FAR2: variants seen among roughly 807,000 people sequenced by gnomAD.
The protein encoded by FAR2 is epididymis secretory protein Li 81.
A neutral mutation model predicts 56.0 loss-of-function variants in FAR2; 19 were observed. The ratio of observed to expected loss-of-function variants is 0.34; its 90% CI spans 0.24 to 0.50. FAR2 has a LOEUF of 0.50. FAR2 is among the 20% of genes least tolerant of loss of function. The pLI is 0.98. For missense variants in FAR2, 508 were observed against 642.2 expected (o/e 0.79, Z 2.26); for synonymous variants, 219 against 218.8 (o/e 1.00, Z -0.01).
At chr12:29,195,142 G>A (rs889688705) in intron 1 of FAR2, among the ~76,000 whole-genome samples, 2 of 152,124 alleles carry the variant, frequency 1.3e-5, no homozygotes, top group African/African-American at 4.8e-5. Context: ...AACATTATTT[G>A]ATGTTGGAGA....
intron 1 of FAR2, among the ~76,000 whole-genome samples, chr12:29,234,437 T>C (rs1020688451): frequency 2.6e-5 from 4 of 152,162 alleles, no homozygotes; most frequent in Admixed American, 2.0e-4. Context: ...TTTTGCCTTC[T>C]TCTTATTAAA....
intron 1 of FAR2, among the ~76,000 whole-genome samples, chr12:29,257,596 G>A (rs564746548): frequency 3.9e-5 from 6 of 152,194 alleles, no homozygotes; most frequent in East Asian, 1.9e-4. Flanking sequence ...CACTCACTGC[G>A]AAGGTCTGCA....
chr12:29,245,184 G>A (rs1309592256), intron 1 of FAR2, among the ~76,000 whole-genome samples: 3 of 152,128 alleles, frequency 2.0e-5, no homozygotes, highest in Non-Finnish European at 4.4e-5. Context: ...GTTTCACCAC[G>A]TTGGCCAGGA....
intron 4 of FAR2, among the ~76,000 whole-genome samples, chr12:29,304,742 C>T (rs1441632400): frequency 6.6e-6 from 1 of 152,136 alleles, no homozygotes; most frequent in Non-Finnish European, 1.5e-5. Flanking sequence ...CACACATAGA[C>T]ATATACATAC....
rs557011058 is a variant in FAR2, at chr12:29,304,877, T to A, written c.546-2781T>A. 1.2e-4 allele frequency among the ~76,000 whole-genome samples: 19 copies of A among 152,272 alleles called. No homozygotes were observed. The South Asian group carries it at 2.9e-3, about 23-fold the overall frequency. ...AGGACATTTAGATTAATTTCAGACA[T>A]GTATTTTGGTTTATATGTGTTTTTT... On this transcript the variant is annotated intron_variant, in intron 4 of 11. Coordinates refer to ENST00000536681, the MANE Select transcript of FAR2 (RefSeq NM_001271783.2).
chr12:29,330,056 CTTT>C (rs10693997), intron 10 of FAR2, among the ~76,000 whole-genome samples: 3 of 127,060 alleles, frequency 2.4e-5, no homozygotes. Context: ...ACATTTATGA[CTTT>C]TTTTTTTTTT....
At chr12:29,264,786 T>C (rs1002225635) in intron 1 of FAR2, among the ~76,000 whole-genome samples, 1 of 151,656 alleles carries the variant, frequency 6.6e-6, no homozygotes, top group African/African-American at 2.4e-5. Flanking sequence ...AGCTAAACAC[T>C]CCACCAAGAA....
At chr12:29,232,455 A>T (rs1039690009) in intron 1 of FAR2, among the ~76,000 whole-genome samples, 24 of 151,828 alleles carry the variant, frequency 1.6e-4, no homozygotes, top group Non-Finnish European at 1.5e-5. Flanking sequence ...TAATCTTTCC[A>T]TCATGCTCTT....
intron 5 of FAR2, 24 bp downstream of exon 5, chr12:29,307,859 G>T: frequency 6.3e-7 from 1 of 1,592,416 alleles, no homozygotes; most frequent in Non-Finnish European, 8.5e-7. Context: ...CCTGGATTCT[G>T]TGTTTTGCTT....
chr12:29,220,448 C>T (rs1489392125), intron 1 of FAR2, among the ~76,000 whole-genome samples: 1 of 152,060 alleles, frequency 6.6e-6, no homozygotes, highest in Admixed American at 6.5e-5. Flanking sequence ...TGACTTGCTA[C>T]GTTTCTCTAT....
At chr12:29,313,927 T>G (rs1389308383) in intron 8 of FAR2, among the ~76,000 whole-genome samples, 2 of 142,254 alleles carry the variant, frequency 1.4e-5, no homozygotes, top group Admixed American at 1.4e-4. Flanking sequence ...TTCTTTCTTC[T>G]CTTTAACTTA....
chr12:29,323,405 C>T (rs1949585667), intron 10 of FAR2, among the ~76,000 whole-genome samples: 4 of 152,186 alleles, frequency 2.6e-5, no homozygotes, highest in African/African-American at 9.7e-5. Context: ...AGTAGTGGTT[C>T]CTCCAGCACG....
chr12:29,270,537 C>T lies in FAR2; in HGVS notation c.88C>T (p.Leu30=), dbSNP rs749906463. The T allele has an allele frequency of 1.2e-6, 2 of 1,614,030 alleles. No individual in the cohort carries two copies. The highest frequency in any genetic ancestry group is 2.2e-5 in the East Asian group (1 of 44,878). The change falls in exon 2 of 12, where the codon CTG becomes TTG. Residue 30 remains leucine (L), a synonymous_variant. Coordinates refer to ENST00000536681, the MANE Select transcript of FAR2 (RefSeq NM_001271783.2). ...TCTGGGCAAAGTGCTGATGGAGAAGCTGTTTCGCACCAGCCCAGACCTGAA... is the reference window on the plus strand; with the variant it reads ...TCTGGGCAAAGTGCTGATGGAGAAGTTGTTTCGCACCAGCCCAGACCTGAA... ...GFLGKVLMEK[L]FRTSPDLKVI...
chr12:29,305,048 G>A (rs1949233743), intron 4 of FAR2, among the ~76,000 whole-genome samples: 1 of 152,152 alleles, frequency 6.6e-6, no homozygotes, highest in Non-Finnish European at 1.5e-5. Context: ...CTGAACCTAG[G>A]AAGTGGCTGG....
At chr12:29,244,663 G>A (rs1193994725) in intron 1 of FAR2, among the ~76,000 whole-genome samples, 1 of 152,172 alleles carries the variant, frequency 6.6e-6, no homozygotes, top group African/African-American at 2.4e-5. Flanking sequence ...CCAGGCACTA[G>A]AGATGCAAAG....
At position 29,201,994 on chromosome 12, in the gene FAR2, A is replaced by C. The variant is rs1947422320; in HGVS notation, c.-39+52587A>C. On this transcript the variant is annotated intron_variant, in intron 1 of 11. Transcript: ENST00000536681. ...TCAGGAAATAAGTGAGTTCCTCTGCAATAGTGCACAATTTATATTATACCA... is the reference window on the plus strand; with the variant it reads ...TCAGGAAATAAGTGAGTTCCTCTGCCATAGTGCACAATTTATATTATACCA... Among the ~76,000 whole-genome samples the C allele has an allele frequency of 2.0e-5, 3 of 152,206 alleles. No homozygotes were observed. The South Asian group carries it at 6.2e-4, about 31-fold the overall frequency.
intron 1 of FAR2, among the ~76,000 whole-genome samples, chr12:29,203,300 C>T (rs906419294): frequency 1.3e-5 from 2 of 152,208 alleles, no homozygotes; most frequent in African/African-American, 2.4e-5. Context: ...AAGTAATTCT[C>T]CTACCACAGT....
At chr12:29,155,387 G>T (rs970073971) in intron 1 of FAR2, among the ~76,000 whole-genome samples, 2 of 152,340 alleles carry the variant, frequency 1.3e-5, no homozygotes, top group African/African-American at 4.8e-5. Flanking sequence ...TGGTAGGCTG[G>T]AAGCAGAAAT....
At chr12:29,226,849 A>G (rs1431306011) in intron 1 of FAR2, among the ~76,000 whole-genome samples, 1 of 152,164 alleles carries the variant, frequency 6.6e-6, no homozygotes. Flanking sequence ...TTGTGTGTGT[A>G]ATGGTATTAC....
Sources: gnomAD v4.1 joint callset for allele counts (sites outside exome capture counted in the v4.1 genomes callset) on GRCh38, gnomAD v4.1.1 for gene constraint, MANE v1.5 for transcripts, NCBI Gene and HGNC (gene_info 2026-07-23, HGNC 2026-07-21) for gene names.